HEXB: variants seen among roughly 807,000 people sequenced by gnomAD.
The protein encoded by HEXB is hexosaminidase subunit beta, also known as beta-hexosaminidase subunit beta.
HEXB carries 51 observed loss-of-function variants against 71.2 expected under a neutral mutation model. The ratio of observed to expected loss-of-function variants is 0.72; its 90% confidence interval spans 0.57 to 0.90. The LOEUF is 0.90. Ranked by LOEUF, HEXB falls within the 40% of genes least tolerant of loss-of-function variation. HEXB has a pLI of 0.00. For synonymous variants in HEXB, 266 were observed against 249.3 expected, an observed-to-expected ratio of 1.07 and a Z score of -0.63; for missense variants, 617 against 677.0, an observed-to-expected ratio of 0.91 and a Z score of 0.98.
intron 1 of HEXB, among the ~76,000 whole-genome samples, chr5:74,664,984 C>A (rs1033345753): frequency 2.4e-4 from 36 of 152,198 alleles, no homozygotes; most frequent in Admixed American, 1.8e-3. Context: ...AAAACAGACT[C>A]AAAAATAAGA....
chr5:74,649,324 T>A (rs1276331344), intron 1 of HEXB, among the ~76,000 whole-genome samples: 1 of 152,180 alleles, frequency 6.6e-6, no homozygotes, highest in Non-Finnish European at 1.5e-5. Context: ...ATATAAGTTG[T>A]CCTGAGGGCC....
intron 1 of HEXB, among the ~76,000 whole-genome samples, chr5:74,661,141 T>TG (rs1243172748): frequency 6.6e-6 from 1 of 152,232 alleles, no homozygotes; most frequent in Non-Finnish European, 1.5e-5. Flanking sequence ...GTTGCCTCTC[T>TG]GGCTTTTGGG....
At chr5:74,644,036 T>C (rs1747956201) in intron 1 of HEXB, among the ~76,000 whole-genome samples, 1 of 152,192 alleles carries the variant, frequency 6.6e-6, no homozygotes, top group Non-Finnish European at 1.5e-5. Flanking sequence ...CACCAAAGAT[T>C]TGTGCTCCCC....
intron 1 of HEXB, among the ~76,000 whole-genome samples, chr5:74,675,177 C>T (rs1748608984): frequency 6.6e-6 from 1 of 152,128 alleles, no homozygotes; most frequent in African/African-American, 2.4e-5. Context: ...TTAAAAGGAA[C>T]CATCAAAGGT....
chr5:74,672,671 A>G (rs1403640753), intron 1 of HEXB, among the ~76,000 whole-genome samples: 1 of 152,204 alleles, frequency 6.6e-6, no homozygotes, highest in Non-Finnish European at 1.5e-5. Flanking sequence ...CAAACCCTGC[A>G]CTGGGTAGCT....
intron 1 of HEXB, among the ~76,000 whole-genome samples, chr5:74,659,258 G>A (rs546994275): frequency 7.2e-5 from 11 of 152,256 alleles, no homozygotes; most frequent in East Asian, 1.9e-4. Context: ...ACCTCACAGC[G>A]TTCATGGCAA....
intron 1 of HEXB, among the ~76,000 whole-genome samples, chr5:74,648,932 C>T (rs145631250): frequency 3.3e-5 from 5 of 152,166 alleles, no homozygotes; most frequent in African/African-American, 9.7e-5. Context: ...AACACAAATG[C>T]GGGTTTCCAC....
At chr5:74,675,619 A>G (rs1748616685) in intron 1 of HEXB, among the ~76,000 whole-genome samples, 1 of 152,224 alleles carries the variant, frequency 6.6e-6, no homozygotes, top group South Asian at 2.1e-4. Context: ...TGATGTGGTC[A>G]GAGAGGTGGT....
intron 5 of HEXB, among the ~76,000 whole-genome samples, chr5:74,702,003 G>C (rs1749271557): frequency 6.7e-6 from 1 of 150,312 alleles, no homozygotes; most frequent in South Asian, 2.1e-4. Flanking sequence ...CCAAAATCAG[G>C]TGTTCCGTTT....
At chr5:74,654,196 T>C (rs1159435105) in intron 1 of HEXB, among the ~76,000 whole-genome samples, 1 of 119,062 alleles carries the variant, frequency 8.4e-6, no homozygotes, top group African/African-American at 3.4e-5. Context: ...AAAACATCTG[T>C]CTCCAAGACA....
At chr5:74,689,630 T>C in intron 2 of HEXB, 157 bp downstream of exon 2, 1 of 709,416 alleles carries the variant, frequency 1.4e-6, no homozygotes, top group Non-Finnish European at 2.5e-6. Flanking sequence ...ATTATAAAAG[T>C]AGTACATAGT....
intron 6 of HEXB, among the ~76,000 whole-genome samples, chr5:74,712,251 A>G (rs1749561153): frequency 7.0e-6 from 1 of 142,644 alleles, no homozygotes. Context: ...TGGACACAGG[A>G]AGGGGAACAT....
chr5:74,662,970 C>T (rs1357813570), intron 1 of HEXB, among the ~76,000 whole-genome samples: 2 of 152,070 alleles, frequency 1.3e-5, no homozygotes, highest in African/African-American at 4.8e-5. Flanking sequence ...AAGTAATTTC[C>T]CCTCCCCACC....
At chr5:74,718,684 A>T in intron 10 of HEXB, 113 bp from the exon 11 acceptor site, 4 of 1,111,220 alleles carry the variant, frequency 3.6e-6, no homozygotes, top group Non-Finnish European at 5.4e-6. Flanking sequence ...GAAAATGCAG[A>T]TTTTTTTTAA....
Position 74,653,261 on chromosome 5 carries a change from A to G in HEXB, c.-377+12703A>G, listed in dbSNP as rs183650542. ...TTAAAGTAATTTTTACAAAATGATC[A>G]ATTCTTGCTAAAGTTTAAAAAAAGT... is the stretch of plus-strand genomic sequence containing the variant. On this transcript the variant is annotated intron_variant, in intron 1 of 13. Transcript: ENST00000511181. Among the ~76,000 whole-genome samples the G allele has an allele frequency of 3.3e-5, 5 of 152,322 alleles. No homozygotes were observed. The East Asian group carries it at 9.6e-4, about 29-fold the overall frequency.
chr5:74,680,989 CTT>C (rs747628975), upstream of HEXB, among the ~76,000 whole-genome samples: 1 of 152,196 alleles, frequency 6.6e-6, no homozygotes, highest in African/African-American at 2.4e-5. Context: ...TCTGGGGAAA[CTT>C]TGTTTCAGCT....
At chr5:74,677,613 C>T (rs1167736647) in intron 1 of HEXB, among the ~76,000 whole-genome samples, 1 of 150,984 alleles carries the variant, frequency 6.6e-6, no homozygotes, top group Non-Finnish European at 1.5e-5. Flanking sequence ...AATCTTCTTC[C>T]TTTCCTGTCT....
rs146000198 is a variant in HEXB, at chr5:74,647,311, T to A, written c.-377+6753T>A. 9.7e-3 allele frequency among the ~76,000 whole-genome samples: 1,476 copies of A among 152,354 alleles called. 61 individuals carry two copies. Among genetic ancestry groups the A allele is most frequent in the Admixed American group, 0.073 (1,119 of 15,300 alleles). On this transcript the variant is annotated intron_variant, in intron 1 of 13. Transcript: ENST00000511181. ...GGGCACAATGCCAAGTCTCTAAGCA[T>A]GTCTGGGCATGAAGAAGGGACTAGA...
rs1415442564 is a variant in HEXB, at chr5:74,663,444, GC to G, written c.-377+22888del. Among the ~76,000 whole-genome samples, 3 of 152,058 alleles carry G rather than the reference GC, an allele frequency of 2.0e-5. No homozygotes were observed. The East Asian group carries it at 5.8e-4, about 29-fold the overall frequency. ...AACCTCAGGTGATCCACCCGCCTCGGCCTCCCAAAGTGTTGGGATTACAGGC... is the reference window on the plus strand; with the variant it reads ...AACCTCAGGTGATCCACCCGCCTCGGCTCCCAAAGTGTTGGGATTACAGGC... On this transcript the variant is annotated intron_variant, in intron 1 of 13. Transcript: ENST00000511181.
Sources: allele counts gnomAD v4.1 joint callset (sites outside exome capture counted in the v4.1 genomes callset), GRCh38; gene constraint gnomAD v4.1.1; transcripts MANE v1.5; gene names NCBI Gene and HGNC (gene_info 2026-07-23, HGNC 2026-07-21).